The following PAM variants were observed in gnomAD, a reference collection of about 807,000 sequenced individuals.
PAM encodes peptidylglycine alpha-amidating monooxygenase.
PAM carries 72 observed loss-of-function variants against 122.1 expected under a neutral mutation model. The observed-to-expected ratio is 0.59, with a 90% confidence interval of 0.49 to 0.72. The LOEUF is 0.72. Among genes scored for constraint, PAM ranks in the 30% least tolerant of loss-of-function variants. The pLI, the probability that PAM is intolerant of heterozygous loss-of-function variation, is 0.00. For missense variants in PAM, 1,106 were observed against 1,183.7 expected, an observed-to-expected ratio of 0.93 and a Z score of 0.96; for synonymous variants, 389 against 404.4, an observed-to-expected ratio of 0.96 and a Z score of 0.46.
chr5:102,890,219 G>A (rs1250126091), intron 3 of PAM, among the ~76,000 whole-genome samples: 2 of 151,764 alleles, frequency 1.3e-5, no homozygotes, highest in Non-Finnish European at 2.9e-5. Flanking sequence ...TGGCAAGAAT[G>A]TTTCATAGAT....
chr5:102,910,427 T>G (rs1291376561), intron 4 of PAM, among the ~76,000 whole-genome samples: 2 of 151,952 alleles, frequency 1.3e-5, no homozygotes, highest in African/African-American at 4.8e-5. Context: ...CTTTAATTAC[T>G]GTGTGTGAGT....
intron 1 of PAM, among the ~76,000 whole-genome samples, chr5:102,828,617 C>T (rs999276563): frequency 3.9e-5 from 6 of 152,034 alleles, no homozygotes; most frequent in African/African-American, 1.2e-4. Flanking sequence ...AGGGCAGTAG[C>T]GAGGGTTACA....
intron 1 of PAM, among the ~76,000 whole-genome samples, chr5:102,782,816 A>G (rs1581011838): frequency 6.9e-6 from 1 of 145,344 alleles, no homozygotes; most frequent in African/African-American, 2.5e-5. Context: ...TTTTTTGTCA[A>G]TCAGTTTTTT....
chr5:102,938,192 AAT>A (rs1753906142), intron 7 of PAM, among the ~76,000 whole-genome samples: 1 of 152,130 alleles, frequency 6.6e-6, no homozygotes, highest in Non-Finnish European at 1.5e-5. Context: ...CTCTTCACAT[AAT>A]TGTGAGCTCT....
intron 5 of PAM, among the ~76,000 whole-genome samples, chr5:102,915,464 A>G (rs1279864160): frequency 2.0e-5 from 3 of 152,162 alleles, no homozygotes; most frequent in Non-Finnish European, 2.9e-5. Context: ...GGGTTTATGT[A>G]AAAACAGAGT....
chr5:102,885,665 A>G (rs1018964157), intron 3 of PAM, among the ~76,000 whole-genome samples: 56 of 152,048 alleles, frequency 3.7e-4, no homozygotes, highest in African/African-American at 1.3e-3. Flanking sequence ...GAGGAAATTA[A>G]GTACCTGCCC....
Position 102,812,262 on chromosome 5 carries a change from C to A in PAM, c.-373-53561C>A, listed in dbSNP as rs148582714. On this transcript the variant is annotated intron_variant, in intron 1 of 25. Transcript: ENST00000438793. ...AGGGCAACAGCTGCAAAAATAGTTTCTTTTATTGTTCACATCCTGTGTTAA... is the reference window on the plus strand; with the variant it reads ...AGGGCAACAGCTGCAAAAATAGTTTATTTTATTGTTCACATCCTGTGTTAA... Among the ~76,000 whole-genome samples, 324 of 152,202 alleles carry A rather than the reference C, an allele frequency of 2.1e-3. 1 individual carries two copies. Among genetic ancestry groups the A allele is most frequent in the African/African-American group, 7.4e-3 (309 of 41,532 alleles).
At chr5:102,999,855 T>C (rs1295791041) in intron 16 of PAM, among the ~76,000 whole-genome samples, 2 of 152,156 alleles carry the variant, frequency 1.3e-5, no homozygotes, top group Non-Finnish European at 1.5e-5. Context: ...AACCATTTTT[T>C]CCTCCTGGGC....
intron 1 of PAM, among the ~76,000 whole-genome samples, chr5:102,844,937 G>C (rs567115589): frequency 5.3e-5 from 8 of 152,286 alleles, no homozygotes; most frequent in Non-Finnish European, 1.5e-5. Flanking sequence ...CAGACTAGCA[G>C]ATATAATTGA....
At chr5:102,814,470 T>G (rs1768983307) in intron 1 of PAM, among the ~76,000 whole-genome samples, 1 of 151,394 alleles carries the variant, frequency 6.6e-6, no homozygotes, top group African/African-American at 2.4e-5. Context: ...CAGTGTGACC[T>G]CAGATCTCAA....
intron 21 of PAM, among the ~76,000 whole-genome samples, chr5:103,016,265 T>C (rs919381151): frequency 3.3e-5 from 5 of 152,226 alleles, no homozygotes; most frequent in Non-Finnish European, 5.9e-5. Context: ...CTCCAGAGCA[T>C]GTATTCTTCT....
intron 1 of PAM, among the ~76,000 whole-genome samples, chr5:102,756,728 C>T (rs1253703544): frequency 6.6e-6 from 1 of 152,152 alleles, no homozygotes; most frequent in Non-Finnish European, 1.5e-5. Flanking sequence ...TATACCACTG[C>T]ACTCCAGCCT....
chr5:102,802,524 C>T (rs1201771403), intron 1 of PAM, among the ~76,000 whole-genome samples: 5 of 151,994 alleles, frequency 3.3e-5, no homozygotes, highest in African/African-American at 7.3e-5. Context: ...GATATTTATG[C>T]GGGAGAGGTC....
At chr5:102,887,380 G>A (rs561438673) in intron 3 of PAM, among the ~76,000 whole-genome samples, 1 of 151,920 alleles carries the variant, frequency 6.6e-6, no homozygotes, top group Non-Finnish European at 1.5e-5. Context: ...AGCAGCCTGA[G>A]GCCCTTACCA....
At chr5:102,808,673 A>G (rs143172525) in intron 1 of PAM, among the ~76,000 whole-genome samples, 30 of 152,356 alleles carry the variant, frequency 2.0e-4, no homozygotes, top group African/African-American at 7.0e-4. Context: ...TGGTATGGGA[A>G]GATACTAGAA....
At chr5:102,938,284 G>C (rs562151965) in intron 7 of PAM, among the ~76,000 whole-genome samples, 1 of 152,166 alleles carries the variant, frequency 6.6e-6, no homozygotes, top group East Asian at 1.9e-4. Flanking sequence ...TCATCTCATT[G>C]ATTCCATGGG....
chr5:102,977,658 G>GTGCACACACACA (rs1768137453), intron 15 of PAM, among the ~76,000 whole-genome samples: 1 of 142,932 alleles, frequency 7.0e-6, no homozygotes, highest in Non-Finnish European at 1.5e-5. Context: ...ATGCATGTGC[G>GTGCACACACACA]CACACACACA....
chr5:102,821,581 G>T (rs1275199649), intron 1 of PAM, among the ~76,000 whole-genome samples: 2 of 152,114 alleles, frequency 1.3e-5, no homozygotes, highest in Non-Finnish European at 2.9e-5. Context: ...AATGTCGTTT[G>T]GTTAATAACC....
intron 7 of PAM, among the ~76,000 whole-genome samples, chr5:102,942,850 C>A (rs1189699503): frequency 6.6e-6 from 1 of 151,352 alleles, no homozygotes; most frequent in African/African-American, 2.4e-5. Flanking sequence ...GGATTATGGG[C>A]ATGAGCCATT....
Sources: gnomAD v4.1 joint callset for allele counts (sites outside exome capture counted in the v4.1 genomes callset) on GRCh38, gnomAD v4.1.1 for gene constraint, MANE v1.5 for transcripts, NCBI Gene and HGNC (gene_info 2026-07-23, HGNC 2026-07-21) for gene names.